PTPRD: variants seen among roughly 807,000 people sequenced by gnomAD.
PTPRD encodes receptor-type tyrosine-protein phosphatase delta.
Under a neutral mutation model 214.5 loss-of-function variants are expected in PTPRD, and 34 were observed. The ratio of observed to expected loss-of-function variants is 0.16; its 90% CI spans 0.12 to 0.21. PTPRD has a LOEUF of 0.21. Among genes scored for constraint, PTPRD ranks in the 10% least tolerant of loss-of-function variants. The probability of loss-of-function intolerance (pLI) is 1.00; values close to 1 mark genes in which losing one functional copy is unlikely to be tolerated. For missense variants in PTPRD, 2,545 were observed against 2,398.7 expected, an observed-to-expected ratio of 1.06 and a Z score of -1.27; for synonymous variants, 1,128 against 845.7, an observed-to-expected ratio of 1.33 and a Z score of -5.79.
intron 14 of PTPRD, among the ~76,000 whole-genome samples, chr9:8,550,284 C>A (rs950717239): frequency 6.6e-6 from 1 of 151,986 alleles, no homozygotes; most frequent in Non-Finnish European, 1.5e-5. Flanking sequence ...ATGGTACCTC[C>A]CAAATTTGAA....
chr9:9,657,903 A>G (rs1479786750), intron 7 of PTPRD, among the ~76,000 whole-genome samples: 1 of 152,148 alleles, frequency 6.6e-6, no homozygotes. Context: ...TTTCCCCCCG[A>G]CCTAAAGAGA....
chr9:9,011,053 A>G (rs2099509890), intron 11 of PTPRD, among the ~76,000 whole-genome samples: 1 of 152,168 alleles, frequency 6.6e-6, no homozygotes, highest in Non-Finnish European at 1.5e-5. Flanking sequence ...CCCTAGTTAA[A>G]AATGCTATGA....
intron 9 of PTPRD, among the ~76,000 whole-genome samples, chr9:9,255,424 T>C (rs2099977296): frequency 6.6e-6 from 1 of 152,024 alleles, no homozygotes; most frequent in South Asian, 2.1e-4. Flanking sequence ...AAAACCTCTT[T>C]ATATATTTAA....
At chr9:9,485,319 T>G (rs889595472) in intron 8 of PTPRD, among the ~76,000 whole-genome samples, 2 of 152,198 alleles carry the variant, frequency 1.3e-5, no homozygotes, top group Admixed American at 6.5e-5. Context: ...GTTTTAGGCT[T>G]TAGAGTACTA....
intron 10 of PTPRD, among the ~76,000 whole-genome samples, chr9:9,127,690 G>C (rs2099836200): frequency 1.3e-5 from 2 of 152,094 alleles, no homozygotes; most frequent in East Asian, 3.9e-4. Context: ...CAAAGGTAGT[G>C]GTCAAGACGG....
At chr9:9,746,142 A>G (rs889656800) in intron 6 of PTPRD, among the ~76,000 whole-genome samples, 1 of 152,188 alleles carries the variant, frequency 6.6e-6, no homozygotes, top group Admixed American at 6.5e-5. Flanking sequence ...ATGAAAGAAC[A>G]AATAAAGACA....
intron 11 of PTPRD, among the ~76,000 whole-genome samples, chr9:8,749,483 C>A (rs1565774259): frequency 6.6e-6 from 1 of 152,152 alleles, no homozygotes; most frequent in Non-Finnish European, 1.5e-5. Flanking sequence ...CCACCATGAC[C>A]AGGTGAAGTT....
intron 2 of PTPRD, among the ~76,000 whole-genome samples, chr9:10,396,667 T>C (rs928060705): frequency 3.9e-5 from 6 of 151,978 alleles, no homozygotes; most frequent in Non-Finnish European, 7.4e-5. Context: ...AGCACCTTCT[T>C]AATGAGATTT....
At chr9:9,746,539 T>C (rs1055753868) in intron 6 of PTPRD, among the ~76,000 whole-genome samples, 4 of 152,322 alleles carry the variant, frequency 2.6e-5, no homozygotes, top group South Asian at 2.1e-4. Flanking sequence ...TATAGAATTC[T>C]TAAAATTGTT....
rs576607809 is a variant in PTPRD, at chr9:10,355,767, C to A, written c.-599-14750G>T. On this transcript the variant is annotated intron_variant, in intron 2 of 45. Coordinates refer to ENST00000381196, the MANE Select transcript of PTPRD (RefSeq NM_002839.4). The stretch of plus-strand genomic sequence containing the variant: ...CGCTGGGATTACAGGCGTGAGCCAC[C>A]GCGGCCGGCCGCTGCTATATTTCAA... 1.3e-4 allele frequency among the ~76,000 whole-genome samples: 20 copies of A among 152,154 alleles called. No homozygotes were observed. In the South Asian group the frequency reaches 3.3e-3, roughly 25 times the overall value.
intron 10 of PTPRD, among the ~76,000 whole-genome samples, chr9:9,158,383 C>T (rs1399785040): frequency 6.6e-6 from 1 of 151,990 alleles, no homozygotes; most frequent in African/African-American, 2.4e-5. Flanking sequence ...AGGCAGATCA[C>T]GAGGTCAGGA....
At chr9:9,234,546 A>G (rs1357655632) in intron 9 of PTPRD, among the ~76,000 whole-genome samples, 7 of 152,176 alleles carry the variant, frequency 4.6e-5, no homozygotes, top group African/African-American at 1.7e-4. Context: ...CTTCTTTTCT[A>G]TGACATCACC....
chr9:9,412,026 C>T (rs906349527), intron 8 of PTPRD, among the ~76,000 whole-genome samples: 1 of 152,120 alleles, frequency 6.6e-6, no homozygotes, highest in African/African-American at 2.4e-5. Flanking sequence ...ACCACATTCA[C>T]GGGATCTTTC....
At chr9:8,933,503 G>A (rs10123749) in intron 11 of PTPRD, among the ~76,000 whole-genome samples, 19,785 of 151,738 alleles carry the variant, frequency 0.13, 1,697 homozygotes, top group South Asian at 0.19. Context: ...CCAATAACAT[G>A]CTTCTCAAGT....
At position 10,612,913 on chromosome 9, in the gene PTPRD, T is replaced by C. The variant is rs1304105295; in HGVS notation, c.-933A>G. ...GCCCCCACGCGCTCCGGCCGCCGGC[T>C]GCGGGCGCGGCTGGGCGGGGAGCCG... On this transcript the variant is annotated 5_prime_UTR_variant, in exon 1 of 46. Transcript: ENST00000381196. Among the ~76,000 whole-genome samples, 2 of 151,652 alleles carry C rather than the reference T, an allele frequency of 1.3e-5. No homozygotes were observed. The highest frequency in any genetic ancestry group is 2.9e-5 in the Non-Finnish European group (2 of 67,886).
chr9:8,404,338 A>C (rs1337451252), intron 36 of PTPRD, among the ~76,000 whole-genome samples, 199 bp downstream of exon 36: 3 of 152,304 alleles, frequency 2.0e-5, no homozygotes, highest in Admixed American at 2.0e-4. Flanking sequence ...CATGTTGGCC[A>C]GGCTGGTCTC....
At chr9:8,337,438 T>A (rs1848052680) in intron 43 of PTPRD, among the ~76,000 whole-genome samples, 1 of 151,242 alleles carries the variant, frequency 6.6e-6, no homozygotes, top group Non-Finnish European at 1.5e-5. Context: ...CATCACACAC[T>A]GGGGCCTGTT....
At position 10,421,267 on chromosome 9, in the gene PTPRD, T is replaced by C. The variant is rs559107119; in HGVS notation, c.-599-80250A>G. On this transcript the variant is annotated intron_variant, in intron 2 of 45. Coordinates refer to ENST00000381196, the MANE Select transcript of PTPRD (RefSeq NM_002839.4). ...AGGTGCACATGCCACTTAGACCTCATACTTACCTATATTTTCTTCTCTTTT... is the reference window on the plus strand; with the variant it reads ...AGGTGCACATGCCACTTAGACCTCACACTTACCTATATTTTCTTCTCTTTT... Among the ~76,000 whole-genome samples, 4 of 151,924 alleles carry C rather than the reference T, an allele frequency of 2.6e-5. No homozygotes were observed. The East Asian group carries it at 5.9e-4, about 22-fold the overall frequency.
intron 9 of PTPRD, among the ~76,000 whole-genome samples, chr9:9,381,026 A>G (rs2062064238): frequency 6.6e-6 from 1 of 152,078 alleles, no homozygotes; most frequent in Admixed American, 6.6e-5. Context: ...GCTTAGTGTT[A>G]GTATGGCATA....
Sources: allele counts gnomAD v4.1 joint callset (sites outside exome capture counted in the v4.1 genomes callset), GRCh38; gene constraint gnomAD v4.1.1; transcripts MANE v1.5; gene names NCBI Gene and HGNC (gene_info 2026-07-23, HGNC 2026-07-21).